Variants in HS2ST1 observed in about 807,000 individuals in gnomAD.
HS2ST1 encodes heparan sulfate 2-O-sulfotransferase 1, also known as 2-O-sulfotransferase.
In HS2ST1, 18 loss-of-function variants were observed where a neutral mutation model predicts 42.9. The observed-to-expected ratio is 0.42, with a 90% CI of 0.29 to 0.62. The LOEUF is 0.62. Among genes scored for constraint, HS2ST1 ranks in the 20% least tolerant of loss-of-function variants. The pLI is 0.21. For synonymous variants in HS2ST1, 146 were observed against 152.9 expected (o/e 0.95, Z 0.33); for missense variants, 334 against 433.8 (o/e 0.77, Z 2.04).
In HS2ST1 at chr1:87,109,428, A is replaced by G. The variant is rs1487555989; in HGVS notation, c.*4732A>G. 6.6e-6 allele frequency: 1 copy of G among 152,140 alleles called. No homozygotes were observed. The highest frequency in any genetic ancestry group is 1.5e-5 in the Non-Finnish European group (1 of 67,990). 9.4% of individuals were successfully genotyped at this position (152,140 alleles called of 1,614,324 possible). A position where few individuals can be genotyped will look rare whatever the true frequency, so the allele number is the denominator to read the frequency against. On this transcript the variant is annotated 3_prime_UTR_variant, in exon 7 of 7. Coordinates refer to ENST00000370550, the MANE Select transcript of HS2ST1 (RefSeq NM_012262.4). ...AAAATTTCAGATGGAAAACTTACAAAATATATACTTAATTAGAAGAAAAAA... is the reference window on the plus strand; with the variant it reads ...AAAATTTCAGATGGAAAACTTACAAGATATATACTTAATTAGAAGAAAAAA...
intron 1 of HS2ST1, among the ~76,000 whole-genome samples, chr1:86,933,600 T>C (rs1660585703): frequency 6.6e-6 from 1 of 152,204 alleles, no homozygotes; most frequent in Non-Finnish European, 1.5e-5. Flanking sequence ...TTATAGTTAC[T>C]AAATTCTCAC....
At chr1:87,072,040 A>G (rs1651426124) in intron 1 of HS2ST1, among the ~76,000 whole-genome samples, 1 of 152,086 alleles carries the variant, frequency 6.6e-6, no homozygotes, top group Non-Finnish European at 1.5e-5. Context: ...ATTAGAATGT[A>G]TAGATATTTG....
intron 1 of HS2ST1, among the ~76,000 whole-genome samples, chr1:86,958,203 A>G (rs1328618982): frequency 1.3e-5 from 2 of 152,202 alleles, no homozygotes; most frequent in Non-Finnish European, 2.9e-5. Context: ...TGACTTTCTA[A>G]AAAACTTAAC....
chr1:86,964,283 A>AGGC (rs954674997), intron 1 of HS2ST1, among the ~76,000 whole-genome samples: 1 of 152,214 alleles, frequency 6.6e-6, no homozygotes, highest in African/African-American at 2.4e-5. Flanking sequence ...AGGCCAAGGC[A>AGGC]GGCGGCTGGG....
chr1:87,073,109 T>G lies in HS2ST1; in HGVS notation c.300T>G (p.Asn100Lys), dbSNP rs1224575792. 11 of 1,613,970 alleles carry G rather than the reference T, an allele frequency of 6.8e-6. No homozygotes were observed. Among genetic ancestry groups the G allele is most frequent in the Non-Finnish European group, 4.2e-6 (5 of 1,179,952 alleles). ...TNIAYDLCAK[N>K]KYHVLHINTT... is the part of the protein sequence containing the mutation. ...TCGCCTATGACCTGTGTGCAAAGAA[T>G]AAATACCATGTCCTTCATATCAACA... Residue 100 changes from asparagine to lysine, a missense_variant, in exon 2 of 7, where the codon AAT becomes AAG. Asn to Lys is a moderately conservative substitution (Grantham distance 94). Transcript: ENST00000370550.
At chr1:86,948,750 C>T (rs911651323) in intron 1 of HS2ST1, among the ~76,000 whole-genome samples, 4 of 152,126 alleles carry the variant, frequency 2.6e-5, no homozygotes, top group Non-Finnish European at 2.9e-5. Context: ...TCTAACTTAA[C>T]GGTTTTAGGA....
chr1:87,104,693 C>T lies in HS2ST1; in HGVS notation c.1068C>T (p.Asn356=), dbSNP rs200222692. 6.3e-7 allele frequency: 1 copy of T among 1,582,870 alleles called. No individual in the cohort carries two copies. ...FFYEKIYPKS[N] is the part of the protein sequence containing the mutation. ...ATGAAAAGATTTACCCTAAGTCGAA[C>T]TGAGTATAAGGTGTGACTATTGGAT... Residue 356 remains asparagine (N), a synonymous_variant, in exon 7 of 7, where the codon AAC becomes AAT. Coordinates refer to ENST00000370550, the MANE Select transcript of HS2ST1 (RefSeq NM_012262.4).
chr1:87,035,237 G>T (rs1302160729), intron 1 of HS2ST1, among the ~76,000 whole-genome samples: 1 of 152,142 alleles, frequency 6.6e-6, no homozygotes, highest in Non-Finnish European at 1.5e-5. Flanking sequence ...TTTCCTATCA[G>T]CTAGTCATTT....
intron 5 of HS2ST1, 126 bp downstream of exon 5, chr1:87,098,061 C>G: frequency 1.4e-6 from 2 of 1,474,816 alleles, no homozygotes; most frequent in Non-Finnish European, 1.8e-6. Context: ...ACATGTAATT[C>G]AGTAATATCT....
chr1:87,045,104 C>T, intron 1 of HS2ST1: 1 of 931,490 alleles, frequency 1.1e-6, no homozygotes. Flanking sequence ...CATCATCTTG[C>T]TCTTGAGCTG....
chr1:87,076,892 A>T (rs901010157), intron 2 of HS2ST1, among the ~76,000 whole-genome samples: 1 of 152,094 alleles, frequency 6.6e-6, no homozygotes, highest in Non-Finnish European at 1.5e-5. Flanking sequence ...AACAACATGA[A>T]TTTTTTTCTT....
intron 1 of HS2ST1, among the ~76,000 whole-genome samples, chr1:87,057,340 T>C (rs1034429997): frequency 2.6e-5 from 4 of 152,198 alleles, no homozygotes; most frequent in Admixed American, 6.5e-5. Context: ...TGCTGGCTTA[T>C]AGGATATGGT....
chr1:86,936,535 T>C (rs1022095194), intron 1 of HS2ST1, among the ~76,000 whole-genome samples: 1 of 152,200 alleles, frequency 6.6e-6, no homozygotes, highest in Non-Finnish European at 1.5e-5. Flanking sequence ...AAATAAATCA[T>C]GTAATTTAAC....
chr1:87,103,069 G>T (rs1652254401), intron 5 of HS2ST1, among the ~76,000 whole-genome samples: 1 of 152,192 alleles, frequency 6.6e-6, no homozygotes, highest in African/African-American at 2.4e-5. Flanking sequence ...TTTACACTTT[G>T]CTAGAGAGCT....
At chr1:87,039,631 A>G (rs1650471302) in intron 1 of HS2ST1, among the ~76,000 whole-genome samples, 1 of 152,182 alleles carries the variant, frequency 6.6e-6, no homozygotes, top group African/African-American at 2.4e-5. Context: ...ATTTATCCTT[A>G]TATCAGTTCA....
chr1:87,047,310 A>G (rs1286098240), intron 1 of HS2ST1, among the ~76,000 whole-genome samples: 1 of 152,214 alleles, frequency 6.6e-6, no homozygotes, highest in Non-Finnish European at 1.5e-5. Flanking sequence ...ATTAGGTTGT[A>G]AGATACACAT....
chr1:87,001,251 A>T (rs933673537), intron 1 of HS2ST1, among the ~76,000 whole-genome samples: 1 of 151,956 alleles, frequency 6.6e-6, no homozygotes, highest in Non-Finnish European at 1.5e-5. Context: ...TCCATTGCTT[A>T]TCTTTTTGAA....
intron 1 of HS2ST1, among the ~76,000 whole-genome samples, chr1:87,069,383 A>C (rs1334897975): frequency 6.6e-6 from 1 of 152,246 alleles, no homozygotes; most frequent in Non-Finnish European, 1.5e-5. Context: ...CAGTGATTTA[A>C]GAAAGCCTCA....
At chr1:86,975,664 G>C (rs538423777) in intron 1 of HS2ST1, among the ~76,000 whole-genome samples, 1 of 152,242 alleles carries the variant, frequency 6.6e-6, no homozygotes, top group East Asian at 1.9e-4. Context: ...ATTTAAATCT[G>C]AGGTAATTTT....
Sources: allele counts gnomAD v4.1 joint callset (sites outside exome capture counted in the v4.1 genomes callset), GRCh38; gene constraint gnomAD v4.1.1; transcripts MANE v1.5; gene names NCBI Gene and HGNC (gene_info 2026-07-23, HGNC 2026-07-21).